The following TMEM52B variants were observed in gnomAD, a reference collection of about 807,000 sequenced individuals.
TMEM52B encodes chromosome 12 open reading frame 59.
A neutral mutation model predicts 16.1 loss-of-function variants in TMEM52B; 11 were observed. That is an observed-to-expected ratio of 0.68 (90% CI 0.43 to 1.13). The LOEUF (loss-of-function observed/expected upper bound fraction) is 1.13, where lower values mean the gene tolerates loss of function less well. Ranked by LOEUF, TMEM52B falls within the 50% of genes most tolerant of loss-of-function variation. The pLI is 0.00. For missense variants in TMEM52B, 243 were observed against 230.4 expected, an observed-to-expected ratio of 1.05 and a Z score of -0.35; for synonymous variants, 101 against 93.8, an observed-to-expected ratio of 1.08 and a Z score of -0.45.
At chr12:10,175,748 T>C (rs1347057306), upstream of TMEM52B, among the ~76,000 whole-genome samples, 1 of 152,222 alleles carries the variant, frequency 6.6e-6, no homozygotes, top group Admixed American at 6.5e-5. Flanking sequence ...TGCTATATTA[T>C]TTATTTTTGA....
intron 1 of TMEM52B, among the ~76,000 whole-genome samples, chr12:10,171,434 A>G (rs1244746124): frequency 2.0e-5 from 3 of 152,238 alleles, no homozygotes; most frequent in Admixed American, 6.5e-5. Context: ...GCAGTAGTAC[A>G]CAACAAAATG....
intron 1 of TMEM52B, among the ~76,000 whole-genome samples, chr12:10,173,550 G>C (rs573229186): frequency 3.9e-4 from 57 of 146,906 alleles, no homozygotes; most frequent in South Asian, 1.7e-3. Context: ...GAAGCTGAGG[G>C]GGGGGGTGGA....
upstream of TMEM52B, among the ~76,000 whole-genome samples, chr12:10,178,517 C>G (rs1450405568): frequency 9.5e-6 from 1 of 105,502 alleles, no homozygotes; most frequent in Non-Finnish European, 2.1e-5. Flanking sequence ...AGCAAGACTC[C>G]GTCTCAAAAA....
upstream of TMEM52B, among the ~76,000 whole-genome samples, chr12:10,174,949 A>G (rs188404451): frequency 1.6e-4 from 25 of 152,348 alleles, no homozygotes; most frequent in African/African-American, 5.5e-4. Context: ...ATTCCATTGT[A>G]TGTATAAACC....
At chr12:10,188,065 C>T (rs1343336123) in intron 4 of TMEM52B, among the ~76,000 whole-genome samples, 2 of 152,190 alleles carry the variant, frequency 1.3e-5, no homozygotes, top group African/African-American at 4.8e-5. Flanking sequence ...TGCCACTGCA[C>T]TCCAGCCTGG....
At chr12:10,178,365 CA>C (rs957193491), upstream of TMEM52B, among the ~76,000 whole-genome samples, 1 of 151,496 alleles carries the variant, frequency 6.6e-6, no homozygotes, top group Non-Finnish European at 1.5e-5. Context: ...ACTAAAAATA[CA>C]AAAAAACTTA....
intron 3 of TMEM52B, among the ~76,000 whole-genome samples, 185 bp from the exon 4 acceptor site, chr12:10,186,235 A>T (rs1214097544): frequency 6.6e-6 from 1 of 152,216 alleles, no homozygotes; most frequent in Non-Finnish European, 1.5e-5. Context: ...ACTGCAGCTG[A>T]CAAAATAAGG....
intron 1 of TMEM52B, among the ~76,000 whole-genome samples, chr12:10,181,139 A>C (rs540466167): frequency 7.9e-5 from 12 of 152,206 alleles, no homozygotes; most frequent in African/African-American, 2.9e-4. Context: ...AAGTCAACTA[A>C]AAAATCAGGT....
intron 4 of TMEM52B, 52 bp from the exon 5 acceptor site, chr12:10,189,844 A>G (rs1390987198): frequency 6.2e-7 from 1 of 1,601,320 alleles, no homozygotes; most frequent in African/African-American, 1.3e-5. Context: ...CTGCTGTCTG[A>G]GGGTGTCCTG....
At chr12:10,180,275 G>GTT (rs3053815) in intron 1 of TMEM52B, among the ~76,000 whole-genome samples, 19,810 of 142,228 alleles carry the variant, frequency 0.14, 2,030 homozygotes, top group East Asian at 0.4. Context: ...TGTATGGTTT[G>GTT]TTTTTTTTTT....
chr12:10,181,563 C>T (rs2137546889), intron 1 of TMEM52B, among the ~76,000 whole-genome samples: 1 of 151,166 alleles, frequency 6.6e-6, no homozygotes, highest in South Asian at 2.1e-4. Flanking sequence ...CTCCTGACCT[C>T]ATGATCTGCC....
At chr12:10,181,892 T>A (rs1165341579) in intron 1 of TMEM52B, among the ~76,000 whole-genome samples, 2 of 150,708 alleles carry the variant, frequency 1.3e-5, no homozygotes, top group Non-Finnish European at 3.0e-5. Flanking sequence ...CCAGGCGTGG[T>A]GGCACGTGCC....
Position 10,179,215 on chromosome 12 carries a change from A to C in TMEM52B, c.-360A>C, listed in dbSNP as rs1277900253. 4.0e-6 allele frequency: 1 copy of C among 249,454 alleles called. No homozygotes were observed. Among genetic ancestry groups the C allele is most frequent in the Non-Finnish European group, 7.6e-6 (1 of 131,146 alleles). 15.5% of individuals were successfully genotyped at this position (249,454 alleles called of 1,614,324 possible). ...GAAAAATACTTCATTCAGAGGACAC[A>C]TATGTCCTCTTTGAATGTCTCCTTT... On this transcript the variant is annotated 5_prime_UTR_variant, in exon 1 of 5. Transcript: ENST00000543484.
rs1948795483 is a variant in TMEM52B at position 10,179,368 on chromosome 12, G to A, written c.-207G>A. ...GTAATAAGAATAAAGAAGAAAAACA[G>A]GAAAGAAGAGGGAAAAGCCATAGAA... On this transcript the variant is annotated 5_prime_UTR_variant, in exon 1 of 5. Coordinates refer to ENST00000543484, the MANE Select transcript of TMEM52B (RefSeq NM_001384896.1). The A allele has an allele frequency of 3.5e-6, 2 of 572,790 alleles. No homozygotes were observed. The highest frequency in any genetic ancestry group is 6.2e-6 in the Non-Finnish European group (2 of 320,086). 35.5% of individuals were successfully genotyped at this position (572,790 alleles called of 1,614,324 possible).
chr12:10,183,638 C>T (rs1217589422), intron 2 of TMEM52B, among the ~76,000 whole-genome samples: 2 of 151,880 alleles, frequency 1.3e-5, no homozygotes, highest in Non-Finnish European at 2.9e-5. Flanking sequence ...AACTTATCTT[C>T]TCCTTCTCCC....
chr12:10,186,691 T>G, intron 4 of TMEM52B, 102 bp downstream of exon 4: 2 of 1,207,116 alleles, frequency 1.7e-6, no homozygotes, highest in Admixed American at 2.9e-5. Context: ...TATTAAAGAT[T>G]CCAGGACTCA....
At chr12:10,176,530 C>T (rs1452573475), upstream of TMEM52B, among the ~76,000 whole-genome samples, 1 of 151,910 alleles carries the variant, frequency 6.6e-6, no homozygotes. Context: ...GCCAGGCTAG[C>T]AAGGAAAAAT....
chr12:10,172,123 T>G, intron 1 of TMEM52B: 1 of 1,356,952 alleles, frequency 7.4e-7, no homozygotes. Flanking sequence ...GTCACGAACT[T>G]CAACAAACTA....
chr12:10,190,905 T>A lies in TMEM52B; in HGVS notation c.*765T>A, dbSNP rs1948950146. ...GTGTTGCTTTACTTCTTTCCTGTTTTGCCTGGACCACTTAAAGCCACAACA... is the reference window on the plus strand; with the variant it reads ...GTGTTGCTTTACTTCTTTCCTGTTTAGCCTGGACCACTTAAAGCCACAACA... On this transcript the variant is annotated 3_prime_UTR_variant, in exon 5 of 5. Coordinates refer to ENST00000543484, the MANE Select transcript of TMEM52B (RefSeq NM_001384896.1). 6.6e-6 allele frequency: 1 copy of A among 152,360 alleles called. No homozygotes were observed. The highest frequency in any genetic ancestry group is 1.5e-5 in the Non-Finnish European group (1 of 68,130). 9.4% of individuals were successfully genotyped at this position (152,360 alleles called of 1,614,324 possible).
Sources: gnomAD v4.1 joint callset for allele counts (sites outside exome capture counted in the v4.1 genomes callset) on GRCh38, gnomAD v4.1.1 for gene constraint, MANE v1.5 for transcripts, NCBI Gene and HGNC (gene_info 2026-07-23, HGNC 2026-07-21) for gene names.